GALNT14: variants seen among roughly 807,000 people sequenced by gnomAD.
GALNT14 encodes the protein UDP-GalNAc:polypeptide N-acetylgalactosaminyltransferase 14.
A neutral mutation model predicts 77.5 loss-of-function variants in GALNT14; 60 were observed. The observed-to-expected ratio is 0.77, with a 90% CI of 0.63 to 0.96. The LOEUF is 0.96. Ranked by LOEUF, GALNT14 falls within the 40% of genes least tolerant of loss-of-function variation. GALNT14 has a pLI of 0.00. For missense variants in GALNT14, 710 were observed against 731.0 expected, an observed-to-expected ratio of 0.97 and a Z score of 0.33; for synonymous variants, 280 against 281.7, an observed-to-expected ratio of 0.99 and a Z score of 0.06.
chr2:30,889,080 C>T, the GALNT14 span, among the ~76,000 whole-genome samples: 15 of 152,202 alleles, frequency 9.9e-5, no homozygotes, highest in South Asian at 4.2e-4. Context: ...ACCACCCCTG[C>T]GGCTGTGTCC....
chr2:30,923,019 G>T (rs1481718904), intron 13 of GALNT14, among the ~76,000 whole-genome samples: 2 of 151,850 alleles, frequency 1.3e-5, no homozygotes, highest in Non-Finnish European at 2.9e-5. Context: ...TGAGAGTGGG[G>T]GTGAGGAGTT....
chr2:30,914,368 A>C (rs940295255), intron 13 of GALNT14, among the ~76,000 whole-genome samples: 1 of 152,156 alleles, frequency 6.6e-6, no homozygotes, highest in Non-Finnish European at 1.5e-5. Flanking sequence ...CCTGCCCCTG[A>C]GATTCTTCTT....
intron 1 of GALNT14, among the ~76,000 whole-genome samples, chr2:31,035,147 T>C (rs1381760090): frequency 6.6e-6 from 1 of 152,208 alleles, no homozygotes; most frequent in East Asian, 1.9e-4. Context: ...GTAGTATTAC[T>C]ATTTCCTTGT....
chr2:31,046,620 T>TCGA, intron 1 of GALNT14, among the ~76,000 whole-genome samples: 1 of 70,776 alleles, frequency 1.4e-5, no homozygotes, highest in Admixed American at 1.2e-4. Context: ...CATTATGTAG[T>TCGA]TGGAAACTTA....
chr2:31,066,239 C>A (rs542591304), intron 1 of GALNT14, among the ~76,000 whole-genome samples: 2 of 152,302 alleles, frequency 1.3e-5, no homozygotes, highest in African/African-American at 4.8e-5. Flanking sequence ...GTAGGCCCCC[C>A]CAGAGGCCAG....
At chr2:31,101,258 T>C (rs1350406502) in intron 1 of GALNT14, among the ~76,000 whole-genome samples, 1 of 152,112 alleles carries the variant, frequency 6.6e-6, no homozygotes. Context: ...CTCTTGATTA[T>C]GATGGATTAG....
rs1334960424 is a variant in GALNT14 at position 31,125,346 on chromosome 2, A to T, written c.129+12612T>A. The T allele has an allele frequency of 3.3e-6, 3 of 911,984 alleles. No homozygotes were observed. In the African/African-American group the frequency reaches 5.0e-5, roughly 15 times the overall value. 56.5% of individuals were successfully genotyped at this position (911,984 alleles called of 1,614,324 possible). A position where few individuals can be genotyped will look rare whatever the true frequency, so the allele number is the denominator to read the frequency against. On this transcript the variant is annotated intron_variant, in intron 1 of 14. Coordinates refer to ENST00000349752, the MANE Select transcript of GALNT14 (RefSeq NM_024572.4). ...CACAGAGATCTTACCCCTCACAAAG[A>T]CTCTGTGCCCATAGGAAAGATCTGG...
At chr2:31,096,787 A>T (rs1324220026) in intron 1 of GALNT14, among the ~76,000 whole-genome samples, 2 of 152,150 alleles carry the variant, frequency 1.3e-5, no homozygotes, top group Non-Finnish European at 2.9e-5. Flanking sequence ...TATGAGGAAG[A>T]TGGTAACCAC....
chr2:30,964,352 C>T (rs1307426253), intron 3 of GALNT14, among the ~76,000 whole-genome samples: 1 of 152,202 alleles, frequency 6.6e-6, no homozygotes, highest in African/African-American at 2.4e-5. Context: ...CCAGCCACCT[C>T]CACCTCCCTG....
At chr2:31,041,293 G>A (rs1673079562) in intron 1 of GALNT14, among the ~76,000 whole-genome samples, 1 of 152,126 alleles carries the variant, frequency 6.6e-6, no homozygotes, top group Non-Finnish European at 1.5e-5. Flanking sequence ...CCAGAAAAGA[G>A]ATATGTGTTA....
intron 1 of GALNT14, among the ~76,000 whole-genome samples, chr2:31,002,165 AC>A (rs1292131458): frequency 6.6e-6 from 1 of 152,132 alleles, no homozygotes; most frequent in Non-Finnish European, 1.5e-5. Context: ...GCAGTGACTC[AC>A]CCCTGTAATC....
At chr2:30,945,929 A>G (rs1486601504) in intron 6 of GALNT14, 59 bp from the exon 7 acceptor site, 1 of 1,464,372 alleles carries the variant, frequency 6.8e-7, no homozygotes, top group African/African-American at 1.4e-5. Context: ...GGAGTCAGGG[A>G]GCTTGGGATG....
At chr2:31,101,448 G>C (rs11124241) in intron 1 of GALNT14, among the ~76,000 whole-genome samples, 66,416 of 149,030 alleles carry the variant, frequency 0.45, 14,946 homozygotes, top group Middle Eastern at 0.49. Context: ...CTCTGGACTA[G>C]TGCATTTTTC....
intron 1 of GALNT14, among the ~76,000 whole-genome samples, chr2:31,130,212 T>C (rs1234770645): frequency 6.6e-6 from 1 of 152,210 alleles, no homozygotes; most frequent in African/African-American, 2.4e-5. Context: ...ATGCAGGGGA[T>C]CAGATGGCTC....
chr2:30,985,771 C>G (rs910666295), intron 2 of GALNT14, among the ~76,000 whole-genome samples: 1 of 152,272 alleles, frequency 6.6e-6, no homozygotes, highest in East Asian at 1.9e-4. Flanking sequence ...ATGTCACAGA[C>G]GGGGAGAGCT....
intron 1 of GALNT14, among the ~76,000 whole-genome samples, chr2:31,009,188 G>C (rs898949092): frequency 3.3e-5 from 5 of 152,208 alleles, no homozygotes; most frequent in Non-Finnish European, 5.9e-5. Context: ...AACAAATGGA[G>C]GAGGCAGAGG....
chr2:31,045,227 A>G (rs1335106132), intron 1 of GALNT14, among the ~76,000 whole-genome samples: 1 of 152,166 alleles, frequency 6.6e-6, no homozygotes, highest in African/African-American at 2.4e-5. Flanking sequence ...AGGCCTTGCC[A>G]TTTCTACATG....
intron 1 of GALNT14, among the ~76,000 whole-genome samples, chr2:30,993,397 T>C (rs914414067): frequency 6.6e-6 from 1 of 152,222 alleles, no homozygotes; most frequent in Admixed American, 6.5e-5. Flanking sequence ...ACTTCAATTC[T>C]AGTATCCCAA....
intron 2 of GALNT14, among the ~76,000 whole-genome samples, chr2:30,986,401 G>T (rs189289804): frequency 6.6e-6 from 1 of 152,176 alleles, no homozygotes; most frequent in African/African-American, 2.4e-5. Flanking sequence ...TCCTGGAGGG[G>T]TGTGTCTCTA....
Sources: gnomAD v4.1 joint callset for allele counts (sites outside exome capture counted in the v4.1 genomes callset) on GRCh38, gnomAD v4.1.1 for gene constraint, MANE v1.5 for transcripts, NCBI Gene and HGNC (gene_info 2026-07-23, HGNC 2026-07-21) for gene names.